BUD31: variants seen among roughly 807,000 people sequenced by gnomAD.
BUD31 encodes the protein protein BUD31 homolog.
In BUD31, 9 loss-of-function variants were observed where a neutral mutation model predicts 17.9. The ratio of observed to expected loss-of-function variants is 0.50; its 90% confidence interval spans 0.30 to 0.88. The LOEUF is 0.88. Ranked by LOEUF, BUD31 falls within the 40% of genes least tolerant of loss-of-function variation. The probability of loss-of-function intolerance (pLI) is 0.06; values close to 1 mark genes in which losing one functional copy is unlikely to be tolerated. For synonymous variants in BUD31, 70 were observed against 64.7 expected (o/e 1.08, Z -0.39); for missense variants, 148 against 184.5 (o/e 0.80, Z 1.15).
At chr7:99,409,620 A>C (rs1795091429) in intron 1 of BUD31, among the ~76,000 whole-genome samples, 1 of 152,116 alleles carries the variant, frequency 6.6e-6, no homozygotes, top group African/African-American at 2.4e-5. Context: ...AGGGGAGACT[A>C]GTGCGAAGAC....
intron 3 of BUD31, among the ~76,000 whole-genome samples, chr7:99,415,482 CAG>C (rs1795377486): frequency 6.6e-6 from 1 of 152,168 alleles, no homozygotes; most frequent in Non-Finnish European, 1.5e-5. Context: ...CACAGCATCA[CAG>C]GGAGATAGTT....
At chr7:99,417,654 C>G (rs746898961) in intron 5 of BUD31, 59 bp downstream of exon 5, 1 of 1,597,196 alleles carries the variant, frequency 6.3e-7, no homozygotes, top group East Asian at 2.2e-5. Context: ...CCTTAGTCGA[C>G]TGCAAGGGAT....
intron 2 of BUD31, 100 bp from the exon 3 acceptor site, chr7:99,410,964 C>T: frequency 2.8e-6 from 2 of 721,412 alleles, no homozygotes; most frequent in Non-Finnish European, 4.8e-6. Context: ...ATAGCTGTGA[C>T]CCTATGCTGA....
At chr7:99,417,758 A>G (rs1795586123) in intron 5 of BUD31, 163 bp downstream of exon 5, 9 of 1,533,612 alleles carry the variant, frequency 5.9e-6, no homozygotes, top group Non-Finnish European at 7.9e-6. Flanking sequence ...TCAGGAATCC[A>G]TGTGAGGCAG....
chr7:99,410,409 T>C (rs1795134271), intron 2 of BUD31, among the ~76,000 whole-genome samples: 1 of 139,426 alleles, frequency 7.2e-6, no homozygotes, highest in Non-Finnish European at 1.5e-5. Flanking sequence ...TTTTTTTTTT[T>C]GGTAGAGATA....
In BUD31 at chr7:99,419,499, C is replaced by A. The variant is rs1378296453; in HGVS notation, c.*58C>A. ...CGCAGGTTCCTGCCTGTCACGCCACCCCCTTCCTGGGAGCAGCGAGCAGTG... is the reference window on the plus strand; with the variant it reads ...CGCAGGTTCCTGCCTGTCACGCCACACCCTTCCTGGGAGCAGCGAGCAGTG... On this transcript the variant is annotated 3_prime_UTR_variant, in exon 6 of 6. Coordinates refer to ENST00000222969, the MANE Select transcript of BUD31 (RefSeq NM_003910.4). 6 of 1,595,316 alleles carry A rather than the reference C, an allele frequency of 3.8e-6. No homozygotes were observed. Among genetic ancestry groups the A allele is most frequent in the African/African-American group, 1.3e-5 (1 of 74,656 alleles).
At chr7:99,410,394 AT>A (rs111796919) in intron 2 of BUD31, among the ~76,000 whole-genome samples, 431 of 123,884 alleles carry the variant, frequency 3.5e-3, no homozygotes, top group Middle Eastern at 3.9e-3. Flanking sequence ...AATTTTTTTG[AT>A]TTTTTTTTTT....
intron 4 of BUD31, 51 bp from the exon 5 acceptor site, chr7:99,417,378 G>A (rs767171153): frequency 6.3e-6 from 10 of 1,586,136 alleles, no homozygotes; most frequent in Non-Finnish European, 8.7e-6. Flanking sequence ...ATCAAGGGTG[G>A]GGAAGGTTTT....
rs1400016836 is a variant in BUD31 at position 99,412,973 on chromosome 7, C to G, written c.94+1787C>G. ...GGGGGTGTGTTAGTCCATTTTCACGCTACTGATAGACATACCTGAGACTGG... is the reference window on the plus strand; with the variant it reads ...GGGGGTGTGTTAGTCCATTTTCACGGTACTGATAGACATACCTGAGACTGG... On this transcript the variant is annotated intron_variant, in intron 3 of 5. Transcript: ENST00000222969. 4.6e-5 allele frequency among the ~76,000 whole-genome samples: 7 copies of G among 152,118 alleles called. No homozygotes were observed. The East Asian group carries it at 1.4e-3, about 29-fold the overall frequency.
intron 3 of BUD31, among the ~76,000 whole-genome samples, chr7:99,415,915 C>A (rs968755825): frequency 6.6e-6 from 1 of 152,194 alleles, no homozygotes; most frequent in Admixed American, 6.5e-5. Context: ...ATAATCATAT[C>A]TAAGATCTAT....
At position 99,419,557 on chromosome 7, in the gene BUD31, G is replaced by A; in HGVS notation, c.*116G>A. The A allele has an allele frequency of 8.3e-7, 1 of 1,210,954 alleles. No homozygotes were observed. The highest frequency in any genetic ancestry group is 1.2e-6 in the Non-Finnish European group (1 of 836,216). 75.0% of individuals were successfully genotyped at this position (1,210,954 alleles called of 1,614,324 possible). A position where few individuals can be genotyped will look rare whatever the true frequency, so the allele number is the denominator to read the frequency against. ...CCCGAGTTGGAGCACGGTCTCTATG[G>A]GGAAGGCTTCGCTGTCTATCAGCTG... On this transcript the variant is annotated 3_prime_UTR_variant, in exon 6 of 6. Transcript: ENST00000222969.
chr7:99,414,233 G>A (rs1054757039), intron 3 of BUD31, among the ~76,000 whole-genome samples: 3 of 151,312 alleles, frequency 2.0e-5, no homozygotes, highest in Non-Finnish European at 2.9e-5. Context: ...TGTACCTCCC[G>A]AGTTCAGGCA....
intron 3 of BUD31, among the ~76,000 whole-genome samples, chr7:99,412,188 G>A (rs1795218683): frequency 1.3e-5 from 2 of 152,186 alleles, no homozygotes; most frequent in African/African-American, 4.8e-5. Context: ...TTGTTTTGCA[G>A]TTTAGATTTG....
At chr7:99,418,856 T>C (rs1222222989) in intron 5 of BUD31, 1 of 153,624 alleles carries the variant, frequency 6.5e-6, no homozygotes, top group East Asian at 1.9e-4. Flanking sequence ...CTTGAAAAAG[T>C]AAAATAAACA....
chr7:99,411,726 T>G (rs773299223), intron 3 of BUD31: 2 of 455,712 alleles, frequency 4.4e-6, no homozygotes, highest in African/African-American at 2.0e-5. Flanking sequence ...ATTTTTTGAG[T>G]TGGAGTCTTG....
Position 99,419,612 on chromosome 7 carries a change from CT to C in BUD31, c.*172del. On this transcript the variant is annotated 3_prime_UTR_variant, in exon 6 of 6. Coordinates refer to ENST00000222969, the MANE Select transcript of BUD31 (RefSeq NM_003910.4). ...TTGTAAAAATAAAATCTTTAAATCT[CT>C]CGAGCCCCACGTCTCTTCTTTCAGA... 2.3e-6 allele frequency: 2 copies of C among 853,240 alleles called. No individual in the cohort carries two copies. The highest frequency in any genetic ancestry group is 3.6e-6 in the Non-Finnish European group (2 of 560,090). The allele number at this position is 853,240 out of a possible 1,614,324, so 52.9% of individuals were successfully genotyped here. A position where few individuals can be genotyped will look rare whatever the true frequency, so the allele number is the denominator to read the frequency against.
In BUD31 at chr7:99,416,202, C is replaced by T; in HGVS notation, c.159C>T (p.His53=). 6.2e-7 allele frequency: 1 copy of T among 1,614,036 alleles called. No homozygotes were observed. The highest frequency in any genetic ancestry group is 8.5e-7 in the Non-Finnish European group (1 of 1,179,944). Residue 53 remains histidine, a synonymous_variant, in exon 4 of 6, where the codon CAC becomes CAT. Transcript: ENST00000222969. ...CTCTGTGGCCCATCTTCAGGATCCACCACCAGAAAACCCGCTACATCTTCG... is the reference window on the plus strand; with the variant it reads ...CTCTGTGGCCCATCTTCAGGATCCATCACCAGAAAACCCGCTACATCTTCG... ...VESLWPIFRI[H]HQKTRYIFDL...
At chr7:99,412,972 G>A (rs936692908) in intron 3 of BUD31, among the ~76,000 whole-genome samples, 3 of 151,912 alleles carry the variant, frequency 2.0e-5, no homozygotes, top group East Asian at 1.9e-4. Flanking sequence ...CCATTTTCAC[G>A]CTACTGATAG....
intron 5 of BUD31, 71 bp downstream of exon 5, chr7:99,417,666 T>C (rs747620722): frequency 2.5e-6 from 4 of 1,587,822 alleles, no homozygotes; most frequent in Non-Finnish European, 3.4e-6. Flanking sequence ...GCAAGGGATC[T>C]TATGTTATTT....
Sources: allele counts gnomAD v4.1 joint callset (sites outside exome capture counted in the v4.1 genomes callset), GRCh38; gene constraint gnomAD v4.1.1; transcripts MANE v1.5; gene names NCBI Gene and HGNC (gene_info 2026-07-23, HGNC 2026-07-21).